The following LHFPL3 variants were observed in gnomAD, a reference collection of about 807,000 sequenced individuals.
LHFPL3 encodes the protein LHFPL tetraspan subfamily member 3, also known as LHFPL tetraspan subfamily member 3 protein.
Under a neutral mutation model 19.3 loss-of-function variants are expected in LHFPL3, and 5 were observed. That is an observed-to-expected ratio of 0.26 (90% confidence interval 0.14 to 0.54). The LOEUF (loss-of-function observed/expected upper bound fraction) is 0.54. LHFPL3 is among the 20% of genes least tolerant of loss of function. The pLI is 0.94. For missense variants in LHFPL3, 249 were observed against 307.4 expected, an observed-to-expected ratio of 0.81 and a Z score of 1.42; for synonymous variants, 133 against 126.2, an observed-to-expected ratio of 1.05 and a Z score of -0.36.
In LHFPL3 at chr7:104,771,556, T is replaced by C. The variant is rs564709119; in HGVS notation, c.682+34645T>C. Among the ~76,000 whole-genome samples, 17 of 152,302 alleles carry C rather than the reference T, an allele frequency of 1.1e-4. No individual in the cohort carries two copies. The East Asian group carries it at 3.1e-3, about 28-fold the overall frequency. On this transcript the variant is annotated intron_variant, in intron 2 of 2. Transcript: ENST00000424859. ...GAAATATATACTAATTATATTATTG[T>C]GGTTATAAATTACATTTTGAGTATT...
intron 2 of LHFPL3, chr7:104,798,550 A>G (rs1055445190): frequency 2.6e-5 from 4 of 152,238 alleles, no homozygotes; most frequent in Non-Finnish European, 4.4e-5. Flanking sequence ...GCTCTGTTGT[A>G]TAGTCTACAA....
intron 1 of LHFPL3, among the ~76,000 whole-genome samples, chr7:104,448,248 ATTC>A (rs1792369209): frequency 6.6e-6 from 1 of 152,152 alleles, no homozygotes; most frequent in African/African-American, 2.4e-5. Flanking sequence ...GGAAATTCCT[ATTC>A]TTCTTTTGCT....
chr7:104,743,866 C>T (rs1012400543), intron 2 of LHFPL3, among the ~76,000 whole-genome samples: 9 of 152,086 alleles, frequency 5.9e-5, no homozygotes, highest in East Asian at 1.9e-4. Context: ...CAGGGTCTCA[C>T]GCTCACGCTG....
chr7:104,565,121 A>G (rs572491557), intron 1 of LHFPL3, among the ~76,000 whole-genome samples: 154 of 152,246 alleles, frequency 1.0e-3, no homozygotes, highest in Non-Finnish European at 1.8e-3. Context: ...ATGAGTTAAA[A>G]TAGTGGACCA....
At chr7:104,465,204 T>C (rs770738664) in intron 1 of LHFPL3, among the ~76,000 whole-genome samples, 1 of 152,172 alleles carries the variant, frequency 6.6e-6, no homozygotes, top group Non-Finnish European at 1.5e-5. Flanking sequence ...ATTTTGTCCA[T>C]TGGACTTCAT....
At chr7:104,830,280 T>C (rs1373899581) in intron 2 of LHFPL3, among the ~76,000 whole-genome samples, 11 of 151,964 alleles carry the variant, frequency 7.2e-5, no homozygotes, top group Middle Eastern at 3.2e-3. Context: ...ATTTTGTAGG[T>C]TGCCTATTCA....
intron 2 of LHFPL3, among the ~76,000 whole-genome samples, chr7:104,792,265 A>G (rs1467868869): frequency 6.6e-6 from 1 of 152,154 alleles, no homozygotes; most frequent in African/African-American, 2.4e-5. Context: ...CCTCCTCGTT[A>G]GCTAGAATGT....
At chr7:104,394,026 A>G (rs1471743689) in intron 1 of LHFPL3, among the ~76,000 whole-genome samples, 1 of 152,236 alleles carries the variant, frequency 6.6e-6, no homozygotes, top group Admixed American at 6.5e-5. Context: ...TATAGTAGCA[A>G]TGGCTATACA....
intron 2 of LHFPL3, among the ~76,000 whole-genome samples, chr7:104,863,034 T>C (rs1401505451): frequency 6.6e-6 from 1 of 152,238 alleles, no homozygotes; most frequent in African/African-American, 2.4e-5. Flanking sequence ...TACACAGAGC[T>C]GGAGTGATCC....
intron 2 of LHFPL3, chr7:104,759,679 T>C (rs540035923): frequency 6.6e-6 from 1 of 152,272 alleles, no homozygotes; most frequent in East Asian, 1.9e-4. Context: ...CTCTTAATTT[T>C]CCACAAATAT....
intron 1 of LHFPL3, among the ~76,000 whole-genome samples, chr7:104,375,786 C>T (rs571575869): frequency 6.6e-6 from 1 of 152,290 alleles, no homozygotes; most frequent in African/African-American, 2.4e-5. Flanking sequence ...GGTGAATCTG[C>T]CTGGGCTACT....
At chr7:104,774,550 C>A (rs1376285929) in intron 2 of LHFPL3, among the ~76,000 whole-genome samples, 10 of 152,206 alleles carry the variant, frequency 6.6e-5, no homozygotes, top group Admixed American at 6.5e-4. Context: ...GAGAAAGGAT[C>A]TTTGCAACAT....
intron 2 of LHFPL3, among the ~76,000 whole-genome samples, chr7:104,741,730 T>C (rs1252771000): frequency 1.3e-5 from 2 of 151,902 alleles, no homozygotes; most frequent in Non-Finnish European, 2.9e-5. Context: ...GCGGGGGTTG[T>C]TTTTTGTAGA....
In LHFPL3 at chr7:104,632,057, T is replaced by C. The variant is rs185019947; in HGVS notation, c.446-104618T>C. On this transcript the variant is annotated intron_variant, in intron 1 of 2. Transcript: ENST00000424859. Reference sequence around the variant, plus strand: ...GGACAGATTTCTTTGGGCTTCCTTCTTTCTCCAGTTCTTTATGAGATTCTG... The same window carrying C: ...GGACAGATTTCTTTGGGCTTCCTTCCTTCTCCAGTTCTTTATGAGATTCTG... Among the ~76,000 whole-genome samples, 6 of 152,316 alleles carry C rather than the reference T, an allele frequency of 3.9e-5. No individual in the cohort carries two copies. In the East Asian group the frequency reaches 5.8e-4, roughly 15 times the overall value.
intron 2 of LHFPL3, among the ~76,000 whole-genome samples, chr7:104,737,361 A>ATATATATCTTT (rs1793848054): frequency 6.6e-6 from 1 of 152,198 alleles, no homozygotes; most frequent in South Asian, 2.1e-4. Context: ...TATTTGTGAT[A>ATATATATCTTT]ATTGAATTCA....
At chr7:104,807,825 G>T (rs539721030) in intron 2 of LHFPL3, among the ~76,000 whole-genome samples, 2 of 152,184 alleles carry the variant, frequency 1.3e-5, no homozygotes, top group African/African-American at 2.4e-5. Context: ...CTCACTGAAC[G>T]TCTAAAGCAC....
rs370424507 is a variant in LHFPL3, at chr7:104,328,966, G to A, written c.187G>A (p.Asp63Asn). 1 of 1,614,062 alleles carries A rather than the reference G, an allele frequency of 6.2e-7. No individual in the cohort carries two copies. The highest frequency in any genetic ancestry group is 1.3e-5 in the African/African-American group (1 of 74,936). The change falls in exon 1 of 3, where the codon GAC (aspartate) becomes AAC (asparagine). Residue 63 changes from aspartate (D) to asparagine (N), a missense_variant. Transcript: ENST00000424859. This position sits in a 1 kb window ranked among gnomAD's most constrained non-coding sequence, Gnocchi z 4.6. ...VCFIQPYWIGDGVDTPQAGYF... is the reference protein window; with the variant it reads ...VCFIQPYWIGNGVDTPQAGYF... ...CTTCATCCAGCCCTACTGGATAGGC[G>A]ACGGCGTGGACACCCCGCAAGCCGG... is the stretch of plus-strand genomic sequence containing the variant.
chr7:104,798,689 A>G (rs921000966), intron 2 of LHFPL3, among the ~76,000 whole-genome samples: 9 of 144,916 alleles, frequency 6.2e-5, no homozygotes, highest in African/African-American at 2.4e-5. Flanking sequence ...AGGTGCTAGA[A>G]AGTCTCACGA....
intron 2 of LHFPL3, among the ~76,000 whole-genome samples, chr7:104,765,027 A>G (rs1794432349): frequency 6.6e-6 from 1 of 152,220 alleles, no homozygotes; most frequent in Non-Finnish European, 1.5e-5. Context: ...AAATGGAGCT[A>G]AATCTCTTAG....
Sources: gnomAD v4.1 joint callset for allele counts (sites outside exome capture counted in the v4.1 genomes callset) on GRCh38, gnomAD v4.1.1 for gene constraint, Gnocchi (gnomAD v3.1) non-coding constraint, MANE v1.5 for transcripts, NCBI Gene and HGNC (gene_info 2026-07-23, HGNC 2026-07-21) for gene names.